Variants in RNF214 observed in about 807,000 individuals in gnomAD.
The protein encoded by RNF214 is ring finger protein 214.
A neutral mutation model predicts 75.9 loss-of-function variants in RNF214; 25 were observed. That is an observed-to-expected ratio of 0.33 (90% CI 0.24 to 0.46). The LOEUF (loss-of-function observed/expected upper bound fraction) is 0.46. Among genes scored for constraint, RNF214 ranks in the 20% least tolerant of loss-of-function variants. RNF214 has a pLI of 1.00. For synonymous variants in RNF214, 314 were observed against 308.8 expected, an observed-to-expected ratio of 1.02 and a Z score of -0.18; for missense variants, 725 against 857.5, an observed-to-expected ratio of 0.85 and a Z score of 1.93.
chr11:117,284,143 C>G (rs148937349), intron 14 of RNF214, among the ~76,000 whole-genome samples: 1 of 152,260 alleles, frequency 6.6e-6, no homozygotes, highest in East Asian at 1.9e-4. Flanking sequence ...ACATATCTAA[C>G]TATTGTTCAA....
intron 6 of RNF214, among the ~76,000 whole-genome samples, chr11:117,249,810 A>G (rs1455924510): frequency 1.3e-5 from 2 of 152,070 alleles, no homozygotes; most frequent in African/African-American, 4.8e-5. Flanking sequence ...CACCAATTCT[A>G]TTGGATTAGG....
intron 2 of RNF214, among the ~76,000 whole-genome samples, chr11:117,236,281 T>A (rs933514765): frequency 1.5e-4 from 23 of 149,282 alleles, no homozygotes; most frequent in African/African-American, 5.5e-4. Flanking sequence ...TTTTGTTTTT[T>A]TTTTGTTCTT....
At chr11:117,242,030 T>C (rs947311495) in intron 4 of RNF214, among the ~76,000 whole-genome samples, 4 of 152,212 alleles carry the variant, frequency 2.6e-5, no homozygotes, top group South Asian at 4.1e-4. Context: ...CCAGTCTTTT[T>C]TTCATGTATT....
At chr11:117,252,788 G>A (rs1256282499) in intron 6 of RNF214, among the ~76,000 whole-genome samples, 1 of 152,142 alleles carries the variant, frequency 6.6e-6, no homozygotes, top group Non-Finnish European at 1.5e-5. Flanking sequence ...CCAAAGTGCT[G>A]GGATTACAGG....
rs1173824261 is a variant in RNF214 at position 117,251,237 on chromosome 11, C to T, written c.959+4289C>T. Among the ~76,000 whole-genome samples, 5 of 26,804 alleles carry T rather than the reference C, an allele frequency of 1.9e-4. 1 individual carries two copies. Among genetic ancestry groups the T allele is most frequent in the South Asian group, 1.1e-3 (1 of 906 alleles). 17.6% of individuals were successfully genotyped at this position (26,804 alleles called of 152,430 possible). ...CTCCCGGACGGGGCGGCTGGCCGGG[C>T]GGGGGGCTGACCCCGCTGACCCCCC... On this transcript the variant is annotated intron_variant, in intron 6 of 14. Transcript: ENST00000300650.
chr11:117,235,136 T>A (rs2032866452), intron 2 of RNF214, among the ~76,000 whole-genome samples: 1 of 152,254 alleles, frequency 6.6e-6, no homozygotes, highest in African/African-American at 2.4e-5. Context: ...TTGTACATGT[T>A]CAGTACAGAT....
chr11:117,233,462 G>T (rs1353690905), intron 1 of RNF214, among the ~76,000 whole-genome samples: 1 of 152,200 alleles, frequency 6.6e-6, no homozygotes, highest in East Asian at 1.9e-4. Flanking sequence ...ATAAAAGCAA[G>T]AATGCAAACT....
intron 2 of RNF214, among the ~76,000 whole-genome samples, chr11:117,235,848 G>C (rs949223301): frequency 6.6e-6 from 1 of 152,186 alleles, no homozygotes; most frequent in African/African-American, 2.4e-5. Context: ...AGGGTAATTA[G>C]CATGTCCATC....
chr11:117,260,901 G>A (rs1301556082), intron 6 of RNF214, among the ~76,000 whole-genome samples: 3 of 149,404 alleles, frequency 2.0e-5, no homozygotes, highest in Non-Finnish European at 3.0e-5. Flanking sequence ...TGATCCGCCC[G>A]CCTTGGCGTC....
At chr11:117,232,897 G>A (rs975777253) in intron 1 of RNF214, 171 bp downstream of exon 1, 1 of 149,362 alleles carries the variant, frequency 6.7e-6, no homozygotes, top group Non-Finnish European at 1.5e-5. Context: ...AGTGGGACGG[G>A]GGGGTGGCTG....
At chr11:117,242,773 G>C (rs1422728126) in intron 4 of RNF214, among the ~76,000 whole-genome samples, 2 of 152,174 alleles carry the variant, frequency 1.3e-5, no homozygotes. Context: ...AGAATTGCTT[G>C]AACTCGGGAG....
chr11:117,260,050 T>C (rs919695029), intron 6 of RNF214, among the ~76,000 whole-genome samples: 3 of 152,196 alleles, frequency 2.0e-5, no homozygotes, highest in African/African-American at 7.2e-5. Context: ...TTTATATTCA[T>C]GTCTCTGATC....
chr11:117,284,258 G>A (rs892519996), intron 14 of RNF214, among the ~76,000 whole-genome samples: 7 of 152,164 alleles, frequency 4.6e-5, no homozygotes, highest in Admixed American at 6.5e-5. Context: ...AGGGCTTGCC[G>A]GTTAGAGATT....
intron 6 of RNF214, among the ~76,000 whole-genome samples, chr11:117,260,520 A>G (rs1344579177): frequency 6.6e-6 from 1 of 152,002 alleles, no homozygotes; most frequent in Non-Finnish European, 1.5e-5. Context: ...ACTACATTAC[A>G]CTGTCTGCTG....
chr11:117,243,608 AC>A (rs1314858368), intron 4 of RNF214, among the ~76,000 whole-genome samples: 3 of 152,156 alleles, frequency 2.0e-5, no homozygotes, highest in Non-Finnish European at 4.4e-5. Context: ...TTTTAAGTTG[AC>A]CCTCTTCAAA....
intron 2 of RNF214, among the ~76,000 whole-genome samples, chr11:117,235,771 A>G (rs1045719765): frequency 6.6e-6 from 1 of 152,170 alleles, no homozygotes; most frequent in African/African-American, 2.4e-5. Context: ...AATGGACACG[A>G]TAATTGTACG....
At chr11:117,245,416 T>C (rs981955663) in intron 5 of RNF214, among the ~76,000 whole-genome samples, 1 of 150,628 alleles carries the variant, frequency 6.6e-6, no homozygotes, top group Non-Finnish European at 1.5e-5. Context: ...CTCGGCTCAC[T>C]GCAAGCTCCG....
chr11:117,243,687 A>C (rs1565330581), intron 4 of RNF214, among the ~76,000 whole-genome samples: 1 of 152,124 alleles, frequency 6.6e-6, no homozygotes, highest in East Asian at 1.9e-4. Context: ...GGCAGAGCTA[A>C]ACTGTTTTCA....
chr11:117,246,837 C>T lies in RNF214; in HGVS notation c.848C>T (p.Thr283Ile). The T allele has an allele frequency of 6.2e-7, 1 of 1,606,006 alleles. No homozygotes were observed. Among genetic ancestry groups the T allele is most frequent in the South Asian group, 1.1e-5 (1 of 89,804 alleles). Reference sequence around the variant, plus strand: ...ATATTAAAGGCTATTCAGGATGTGACAATAAAGCGGGAAGAAACAAAGAAG... The same window carrying T: ...ATATTAAAGGCTATTCAGGATGTGATAATAAAGCGGGAAGAAACAAAGAAG... ...QEILKAIQDV[T>I]IKREETKKKI... Residue 283 changes from threonine to isoleucine, a missense_variant, in exon 6 of 15, where the codon ACA becomes ATA. Coordinates refer to ENST00000300650, the MANE Select transcript of RNF214 (RefSeq NM_207343.4).
Sources: gnomAD v4.1 joint callset for allele counts (sites outside exome capture counted in the v4.1 genomes callset) on GRCh38, gnomAD v4.1.1 for gene constraint, MANE v1.5 for transcripts, NCBI Gene and HGNC (gene_info 2026-07-23, HGNC 2026-07-21) for gene names.